The following ETF1 variants were observed in gnomAD, a reference collection of about 807,000 sequenced individuals.
ETF1 encodes eukaryotic peptide chain release factor subunit 1.
Under a neutral mutation model 55.1 loss-of-function variants are expected in ETF1, and 4 were observed. That is an observed-to-expected ratio of 0.07 (90% CI 0.04 to 0.17). The LOEUF (loss-of-function observed/expected upper bound fraction) is 0.17, where lower values mean the gene tolerates loss of function less well. Among genes scored for constraint, ETF1 ranks in the 10% least tolerant of loss-of-function variants. The probability of loss-of-function intolerance (pLI) is 1.00; values close to 1 mark genes in which losing one functional copy is unlikely to be tolerated. For missense variants in ETF1, 142 were observed against 523.6 expected (o/e 0.27, Z 7.11); for synonymous variants, 157 against 182.3 (o/e 0.86, Z 1.12).
chr5:138,521,465 GT>G (rs1159033536), intron 2 of ETF1, among the ~76,000 whole-genome samples: 1 of 152,154 alleles, frequency 6.6e-6, no homozygotes, highest in Non-Finnish European at 1.5e-5. Context: ...TAAACTTCAT[GT>G]TATGTATTTT....
At chr5:138,528,931 G>T (rs1045193511) in intron 2 of ETF1, among the ~76,000 whole-genome samples, 6 of 152,108 alleles carry the variant, frequency 3.9e-5, no homozygotes, top group Admixed American at 2.0e-4. Context: ...TGGATCACCT[G>T]TGGTCAGGAG....
chr5:138,519,611 C>A (rs185741946), intron 2 of ETF1, among the ~76,000 whole-genome samples: 2 of 150,628 alleles, frequency 1.3e-5, no homozygotes, highest in East Asian at 3.9e-4. Context: ...TGCAGTGAGC[C>A]GAGATCATGT....
chr5:138,514,079 T>G (rs918763286), intron 4 of ETF1: 1 of 182,104 alleles, frequency 5.5e-6, no homozygotes, highest in African/African-American at 2.4e-5. Flanking sequence ...GGGATGAAAC[T>G]TGAATACATG....
chr5:138,514,506 G>A (rs1764937031), intron 4 of ETF1, among the ~76,000 whole-genome samples: 1 of 151,916 alleles, frequency 6.6e-6, no homozygotes. Flanking sequence ...TTGTGCCAGT[G>A]TACTCCAGCC....
At chr5:138,511,389 T>TACACACACAC (rs747982310) in intron 7 of ETF1, 86 bp downstream of exon 7, 2 of 1,411,898 alleles carry the variant, frequency 1.4e-6, no homozygotes, top group East Asian at 5.3e-5. Flanking sequence ...ATCACGTACA[T>TACACACACAC]ACACACACAC....
intron 2 of ETF1, among the ~76,000 whole-genome samples, chr5:138,524,593 T>C (rs1372854155): frequency 1.3e-5 from 2 of 149,438 alleles, no homozygotes; most frequent in Non-Finnish European, 3.0e-5. Flanking sequence ...TTGTTTTTTT[T>C]TTTGAGACAG....
chr5:138,527,098 A>T (rs1765504889), intron 2 of ETF1, among the ~76,000 whole-genome samples: 1 of 152,100 alleles, frequency 6.6e-6, no homozygotes, highest in South Asian at 2.1e-4. Context: ...TGGCCTCCCA[A>T]AGTGCTAGGA....
intron 2 of ETF1, 87 bp downstream of exon 2, chr5:138,542,743 TCTC>T (rs1320553703): frequency 1.9e-6 from 3 of 1,558,726 alleles, no homozygotes; most frequent in Non-Finnish European, 2.6e-6. Flanking sequence ...AGTGCCTGGT[TCTC>T]CTCATCCGGC....
At chr5:138,534,918 AG>A (rs374623511) in intron 2 of ETF1, among the ~76,000 whole-genome samples, 4,457 of 106,720 alleles carry the variant, frequency 0.042, 99 homozygotes, top group Non-Finnish European at 0.073. Flanking sequence ...TAAGGTTATA[AG>A]GGGGGGGGTC....
chr5:138,513,853 C>T (rs1764909413), intron 4 of ETF1, 147 bp from the exon 5 acceptor site: 1 of 1,099,926 alleles, frequency 9.1e-7, no homozygotes, highest in Non-Finnish European at 1.2e-6. Context: ...AATTTATAGA[C>T]TTCAGTTATA....
At chr5:138,510,909 T>C in intron 8 of ETF1, 136 bp downstream of exon 8, 2 of 1,473,344 alleles carry the variant, frequency 1.4e-6, no homozygotes, top group South Asian at 1.4e-5. Flanking sequence ...AGGAATGTGC[T>C]ACAGACTGAA....
At chr5:138,541,091 A>G (rs1244116749) in intron 2 of ETF1, among the ~76,000 whole-genome samples, 1 of 152,238 alleles carries the variant, frequency 6.6e-6, no homozygotes, top group East Asian at 1.9e-4. Flanking sequence ...GGTCACATCC[A>G]CCTATATACA....
At chr5:138,528,447 A>G (rs1032662647) in intron 2 of ETF1, among the ~76,000 whole-genome samples, 1 of 152,262 alleles carries the variant, frequency 6.6e-6, no homozygotes, top group Non-Finnish European at 1.5e-5. Flanking sequence ...GCAACCTTAC[A>G]TTCCATATCC....
At chr5:138,542,593 G>A in intron 2 of ETF1, 3 of 1,394,516 alleles carry the variant, frequency 2.2e-6, no homozygotes, top group Non-Finnish European at 2.8e-6. Context: ...CTACCACGAG[G>A]GGGGCCGAGT....
chr5:138,518,584 T>C, intron 3 of ETF1, 108 bp downstream of exon 3: 4 of 944,332 alleles, frequency 4.2e-6, no homozygotes, highest in Non-Finnish European at 6.4e-6. Flanking sequence ...GAGACACTGA[T>C]GACAGCCGAC....
intron 2 of ETF1, among the ~76,000 whole-genome samples, chr5:138,534,817 C>CTG (rs1765846219): frequency 6.6e-6 from 1 of 152,102 alleles, no homozygotes; most frequent in Non-Finnish European, 1.5e-5. Flanking sequence ...TTACTAAAGG[C>CTG]TGTGATATTA....
intron 10 of ETF1, 37 bp downstream of exon 10, chr5:138,508,632 C>A: frequency 6.2e-7 from 1 of 1,610,434 alleles, no homozygotes; most frequent in Non-Finnish European, 8.5e-7. Flanking sequence ...GACCTGAGAC[C>A]CTGGTTTTAA....
chr5:138,521,795 G>A (rs1765243249), intron 2 of ETF1, among the ~76,000 whole-genome samples: 1 of 152,230 alleles, frequency 6.6e-6, no homozygotes, highest in Non-Finnish European at 1.5e-5. Context: ...CTCCCAAAGT[G>A]CTGGGATTAC....
chr5:138,535,135 G>T (rs1202014652), intron 2 of ETF1, among the ~76,000 whole-genome samples: 1 of 151,262 alleles, frequency 6.6e-6, no homozygotes, highest in East Asian at 1.9e-4. Context: ...ATTTTTAGTA[G>T]AGACAGGTTT....
Sources: gnomAD v4.1 joint callset for allele counts (sites outside exome capture counted in the v4.1 genomes callset) on GRCh38, gnomAD v4.1.1 for gene constraint, MANE v1.5 for transcripts, NCBI Gene and HGNC (gene_info 2026-07-23, HGNC 2026-07-21) for gene names.